The following AUTS2 variants were observed in gnomAD, a reference collection of about 807,000 sequenced individuals.
The protein encoded by AUTS2 is activator of transcription and developmental regulator AUTS2.
In AUTS2, 17 loss-of-function variants were observed where a neutral mutation model predicts 112.4. The ratio of observed to expected loss-of-function variants is 0.15; its 90% CI spans 0.10 to 0.23. AUTS2 has a LOEUF of 0.23. Ranked by LOEUF, AUTS2 falls within the 10% of genes least tolerant of loss-of-function variation. The pLI, the probability that AUTS2 is intolerant of heterozygous loss-of-function variation, is 1.00. For synonymous variants in AUTS2, 751 were observed against 702.7 expected (o/e 1.07, Z -1.09); for missense variants, 1,510 against 1,701.6 (o/e 0.89, Z 1.98).
chr7:69,664,895 T>A (rs1461245073), intron 1 of AUTS2, among the ~76,000 whole-genome samples: 1 of 152,160 alleles, frequency 6.6e-6, no homozygotes, highest in Non-Finnish European at 1.5e-5. Flanking sequence ...TATGAAATGA[T>A]TGTTGTTAAA....
chr7:69,647,110 A>G (rs1367218418), intron 1 of AUTS2, among the ~76,000 whole-genome samples: 1 of 152,096 alleles, frequency 6.6e-6, no homozygotes, highest in Non-Finnish European at 1.5e-5. Context: ...ACAAAAAACA[A>G]AAACAAAGCA....
chr7:70,063,500 C>G (rs1380606839), intron 2 of AUTS2, among the ~76,000 whole-genome samples: 2 of 152,170 alleles, frequency 1.3e-5, no homozygotes, highest in African/African-American at 2.4e-5. Flanking sequence ...TTTAACTTCT[C>G]TCAGCCTCGG....
At chr7:70,334,845 T>C (rs776808039) in intron 4 of AUTS2, among the ~76,000 whole-genome samples, 18 of 152,184 alleles carry the variant, frequency 1.2e-4, no homozygotes, top group Non-Finnish European at 2.2e-4. Context: ...AGCCAACTTT[T>C]TTGTTGGTTT....
intron 1 of AUTS2, among the ~76,000 whole-genome samples, chr7:69,645,075 AT>A (rs34549998): frequency 4.1e-4 from 57 of 139,716 alleles, no homozygotes; most frequent in Admixed American, 5.0e-4. Context: ...CACCCAGTTA[AT>A]TTTTTTTTTT....
At chr7:70,184,113 T>C (rs1244855342) in intron 4 of AUTS2, among the ~76,000 whole-genome samples, 1 of 152,212 alleles carries the variant, frequency 6.6e-6, no homozygotes, top group Non-Finnish European at 1.5e-5. Flanking sequence ...TTTCTTCTGT[T>C]CCTTGGGCAT....
At chr7:69,778,166 A>G (rs2129308909) in intron 1 of AUTS2, among the ~76,000 whole-genome samples, 1 of 151,682 alleles carries the variant, frequency 6.6e-6, no homozygotes, top group East Asian at 1.9e-4. Flanking sequence ...GTTCTCAAAC[A>G]TTAGTGTCCC....
intron 5 of AUTS2, among the ~76,000 whole-genome samples, chr7:70,628,997 G>A (rs752677052): frequency 4.6e-5 from 7 of 152,190 alleles, no homozygotes; most frequent in African/African-American, 9.7e-5. Context: ...AAGAGAGGAC[G>A]AGTTTAGTAA....
chr7:69,965,879 T>C (rs974978237), intron 2 of AUTS2, among the ~76,000 whole-genome samples: 1 of 152,210 alleles, frequency 6.6e-6, no homozygotes, highest in Non-Finnish European at 1.5e-5. Flanking sequence ...TGTGAAGTTT[T>C]ACTATGCACT....
chr7:69,946,382 G>A (rs529639982), intron 2 of AUTS2, among the ~76,000 whole-genome samples: 2 of 152,076 alleles, frequency 1.3e-5, no homozygotes, highest in African/African-American at 4.8e-5. Flanking sequence ...ATATAGAACT[G>A]CCGTAGGCTT....
At chr7:69,731,113 G>A (rs1408235243) in intron 1 of AUTS2, among the ~76,000 whole-genome samples, 2 of 152,226 alleles carry the variant, frequency 1.3e-5, no homozygotes, top group African/African-American at 2.4e-5. Flanking sequence ...GCAACATGCC[G>A]AAACCCTGTC....
chr7:69,614,465 T>G (rs1247410710), intron 1 of AUTS2, among the ~76,000 whole-genome samples: 1 of 151,792 alleles, frequency 6.6e-6, no homozygotes, highest in Non-Finnish European at 1.5e-5. Context: ...GCGATCCTCC[T>G]GCTGCAGCCT....
chr7:70,543,584 G>C (rs886255532), intron 5 of AUTS2, among the ~76,000 whole-genome samples: 1 of 151,392 alleles, frequency 6.6e-6, no homozygotes, highest in Non-Finnish European at 1.5e-5. Flanking sequence ...GAGGGACTCA[G>C]ACACACACAC....
intron 1 of AUTS2, among the ~76,000 whole-genome samples, chr7:69,871,932 C>T (rs1793514478): frequency 6.6e-6 from 1 of 152,196 alleles, no homozygotes; most frequent in Non-Finnish European, 1.5e-5. Flanking sequence ...TGAACTGTCA[C>T]ATATTGCAGG....
At chr7:70,658,458 GC>G (rs1268667683) in intron 5 of AUTS2, among the ~76,000 whole-genome samples, 10 of 152,228 alleles carry the variant, frequency 6.6e-5, no homozygotes, top group African/African-American at 1.9e-4. Context: ...GCTGAATCCA[GC>G]CCCTCACGGG....
At chr7:69,993,707 C>G (rs1798831090) in intron 2 of AUTS2, among the ~76,000 whole-genome samples, 1 of 152,022 alleles carries the variant, frequency 6.6e-6, no homozygotes, top group Non-Finnish European at 1.5e-5. Context: ...GCACTTTAGC[C>G]TGGGCAATAG....
At chr7:69,839,254 G>A (rs746006809) in intron 1 of AUTS2, among the ~76,000 whole-genome samples, 8 of 152,034 alleles carry the variant, frequency 5.3e-5, no homozygotes, top group Non-Finnish European at 1.2e-4. Context: ...CAGTGCTCCA[G>A]GGTCATCATT....
rs541970769 is a variant in AUTS2 at position 70,167,416 on chromosome 7, A to G, written c.660+32845A>G. Among the ~76,000 whole-genome samples, 5 of 152,334 alleles carry G rather than the reference A, an allele frequency of 3.3e-5. No individual in the cohort carries two copies. In the South Asian group the frequency reaches 1.0e-3, roughly 32 times the overall value. Reference sequence around the variant, plus strand: ...ACACAATAACAGAGCTTCAGAATACATAAAGCAAAAACTAATAGAATTATA... The same window carrying G: ...ACACAATAACAGAGCTTCAGAATACGTAAAGCAAAAACTAATAGAATTATA... On this transcript the variant is annotated intron_variant, in intron 4 of 18. Coordinates refer to ENST00000342771, the MANE Select transcript of AUTS2 (RefSeq NM_015570.4).
At chr7:70,748,007 T>C (rs1375237829) in intron 6 of AUTS2, among the ~76,000 whole-genome samples, 30 of 147,990 alleles carry the variant, frequency 2.0e-4, no homozygotes, top group Non-Finnish European at 4.3e-4. Context: ...TTTTTTTTTT[T>C]TTAGTAGAGA....
rs1023007151 is a variant in AUTS2 at position 69,808,698 on chromosome 7, T to C, written c.310-90588T>C. On this transcript the variant is annotated intron_variant, in intron 1 of 18. Coordinates refer to ENST00000342771, the MANE Select transcript of AUTS2 (RefSeq NM_015570.4). ...TCTGACCAGCTGCTCTCAGTGCATA[T>C]AGCCCAAGCAGGAGCTGTAGCTCCT... 2.0e-5 allele frequency among the ~76,000 whole-genome samples: 3 copies of C among 152,146 alleles called. No individual in the cohort carries two copies. The East Asian group carries it at 5.8e-4, about 29-fold the overall frequency.
Sources: allele counts gnomAD v4.1 joint callset (sites outside exome capture counted in the v4.1 genomes callset), GRCh38; gene constraint gnomAD v4.1.1; transcripts MANE v1.5; gene names NCBI Gene and HGNC (gene_info 2026-07-23, HGNC 2026-07-21).